ZFYVE26: variants seen among roughly 807,000 people sequenced by gnomAD.
The protein encoded by ZFYVE26 is zinc finger FYVE-type containing 26, also known as zinc finger FYVE domain-containing protein 26.
In ZFYVE26, 181 loss-of-function variants were observed where a neutral mutation model predicts 276.5. The ratio of observed to expected loss-of-function variants is 0.65; its 90% CI spans 0.58 to 0.74. The LOEUF (loss-of-function observed/expected upper bound fraction) is 0.74. Among genes scored for constraint, ZFYVE26 ranks in the 30% least tolerant of loss-of-function variants. ZFYVE26 has a pLI of 0.00. For synonymous variants in ZFYVE26, 1,129 were observed against 1,203.1 expected, an observed-to-expected ratio of 0.94 and a Z score of 1.27; for missense variants, 2,821 against 3,097.9, an observed-to-expected ratio of 0.91 and a Z score of 2.12.
chr14:67,791,107 T>C (rs1011549500), intron 14 of ZFYVE26, among the ~76,000 whole-genome samples: 1 of 152,192 alleles, frequency 6.6e-6, no homozygotes, highest in African/African-American at 2.4e-5. Context: ...TCTATCACAA[T>C]AACAAAGCAC....
chr14:67,775,179 G>C, intron 26 of ZFYVE26, 65 bp from the exon 27 acceptor site: 1 of 1,142,604 alleles, frequency 8.8e-7, no homozygotes, highest in Non-Finnish European at 1.3e-6. Context: ...CACCACCCTA[G>C]GCATTTAGAA....
Position 67,793,778 on chromosome 14 carries a change from G to C in ZFYVE26, c.2402-19C>G. 1 of 1,613,688 alleles carries C rather than the reference G, an allele frequency of 6.2e-7. No individual in the cohort carries two copies. Among genetic ancestry groups the C allele is most frequent in the East Asian group, 2.2e-5 (1 of 44,862 alleles). On this transcript the variant is annotated intron_variant, in intron 13 of 41. Coordinates refer to ENST00000347230, the MANE Select transcript of ZFYVE26 (RefSeq NM_015346.4). ...CTTCCCTCTGTTGGGACACAAGAAT[G>C]TGTGGGGCCAGAGAAGCAAGAGGAA...
At chr14:67,762,626 T>G in intron 33 of ZFYVE26, 46 bp downstream of exon 33, 1 of 1,609,940 alleles carries the variant, frequency 6.2e-7, no homozygotes, top group Non-Finnish European at 8.5e-7. Context: ...AAAAGCAACT[T>G]GCTACAGTGG....
intron 23 of ZFYVE26, among the ~76,000 whole-genome samples, chr14:67,779,692 A>T (rs1446685058): frequency 2.0e-5 from 3 of 152,278 alleles, no homozygotes; most frequent in East Asian, 1.9e-4. Flanking sequence ...AAAGGTGAGG[A>T]CACTCATGAC....
intron 21 of ZFYVE26, among the ~76,000 whole-genome samples, chr14:67,782,144 C>T (rs1255428864): frequency 6.6e-6 from 1 of 152,172 alleles, no homozygotes; most frequent in Non-Finnish European, 1.5e-5. Flanking sequence ...AAAGTCATTC[C>T]CTACATCACA....
intron 32 of ZFYVE26, among the ~76,000 whole-genome samples, chr14:67,763,509 T>C (rs2038986744): frequency 6.6e-6 from 1 of 152,242 alleles, no homozygotes. Flanking sequence ...GCCTACAGTA[T>C]TCAGTACAGT....
At chr14:67,800,893 T>C (rs1246966876) in intron 10 of ZFYVE26, among the ~76,000 whole-genome samples, 3 of 151,308 alleles carry the variant, frequency 2.0e-5, no homozygotes, top group Admixed American at 6.6e-5. Flanking sequence ...ATAATGGCAT[T>C]AGAACACCTT....
chr14:67,772,902 A>G (rs1393992325), intron 27 of ZFYVE26, among the ~76,000 whole-genome samples: 2 of 152,170 alleles, frequency 1.3e-5, no homozygotes, highest in East Asian at 3.9e-4. Flanking sequence ...TCAAGGTTAT[A>G]GTAGCCATGA....
At position 67,762,759 on chromosome 14, in the gene ZFYVE26, T is replaced by C. The variant is rs1289897909; in HGVS notation, c.6072A>G (p.Pro2024=). The part of the protein sequence containing the change: ...ILVAAAYRHV[P]SLDQILQPAA... ...CTGGCTGCAAGATCTGATCCAAAGA[T>C]GGCACGTGGCGATAGGCAGCAGCAA... The change falls in exon 33 of 42, where the codon CCA becomes CCG. Residue 2024 remains proline, a synonymous_variant. Transcript: ENST00000347230. The C allele has an allele frequency of 1.2e-6, 2 of 1,614,236 alleles. No homozygotes were observed. Among genetic ancestry groups the C allele is most frequent in the Non-Finnish European group, 1.7e-6 (2 of 1,180,048 alleles).
At chr14:67,809,580 G>A (rs546666779) in intron 3 of ZFYVE26, among the ~76,000 whole-genome samples, 4 of 150,556 alleles carry the variant, frequency 2.7e-5, no homozygotes, top group Admixed American at 6.6e-5. Context: ...GCACCACCAC[G>A]TCCAGCTAAT....
In ZFYVE26 at chr14:67,785,139, T is replaced by C. The variant is rs777645141; in HGVS notation, c.3443A>G (p.Gln1148Arg). 6.2e-7 allele frequency: 1 copy of C among 1,614,114 alleles called. No individual in the cohort carries two copies. The highest frequency in any genetic ancestry group is 1.3e-5 in the African/African-American group (1 of 74,948). ...GAAGAAGGTGCCCAAGTAGTCCATC[T>C]GCCTGCTGCCTGATGGGGTCTGTTT... is the stretch of plus-strand genomic sequence containing the variant. ...LGKQTPSGSRQMDYLGTFFSY... is the reference protein window; with the variant it reads ...LGKQTPSGSRRMDYLGTFFSY... The change falls in exon 19 of 42, where the codon CAG (glutamine) becomes CGG (arginine). Residue 1148 changes from glutamine to arginine, a missense_variant. Coordinates refer to ENST00000347230, the MANE Select transcript of ZFYVE26 (RefSeq NM_015346.4).
At chr14:67,766,756 T>C (rs1023521108) in intron 31 of ZFYVE26, among the ~76,000 whole-genome samples, 3 of 152,004 alleles carry the variant, frequency 2.0e-5, no homozygotes, top group Non-Finnish European at 4.4e-5. Flanking sequence ...CTGGAGTGCA[T>C]TGGTGCGATC....
chr14:67,794,812 G>A (rs1368314716), intron 12 of ZFYVE26, among the ~76,000 whole-genome samples: 3 of 152,102 alleles, frequency 2.0e-5, no homozygotes, highest in East Asian at 3.8e-4. Flanking sequence ...GTTGGGCAAG[G>A]TGGCATGCAC....
intron 13 of ZFYVE26, among the ~76,000 whole-genome samples, chr14:67,738,572 A>T (rs2038378819): frequency 6.6e-6 from 1 of 151,846 alleles, no homozygotes; most frequent in African/African-American, 2.4e-5. Context: ...CTGTGTAGTA[A>T]GACTTATATT....
rs893742288 is a variant in ZFYVE26, at chr14:67,789,229, C to T, written c.3019+106G>A. Reference sequence around the variant, plus strand: ...TGACAAAATTTCATAATCCATTCACCATCTGCCTCCTCCAATAACTGCTTT... The same window carrying T: ...TGACAAAATTTCATAATCCATTCACTATCTGCCTCCTCCAATAACTGCTTT... On this transcript the variant is annotated intron_variant, in intron 16 of 41. Transcript: ENST00000347230. 5 of 1,492,836 alleles carry T rather than the reference C, an allele frequency of 3.3e-6. No individual in the cohort carries two copies. In the African/African-American group the frequency reaches 6.9e-5, roughly 21 times the overall value. 92.5% of individuals were successfully genotyped at this position (1,492,836 alleles called of 1,614,324 possible). A position where few individuals can be genotyped will look rare whatever the true frequency, so the allele number is the denominator to read the frequency against.
intron 41 of ZFYVE26, chr14:67,750,778 G>C: frequency 1.9e-6 from 1 of 525,528 alleles, no homozygotes; most frequent in Non-Finnish European, 3.5e-6. Context: ...GAAGACATCA[G>C]TATAAAATGG....
chr14:67,745,852 A>G (rs1225842926), downstream of ZFYVE26, among the ~76,000 whole-genome samples: 1 of 135,804 alleles, frequency 7.4e-6, no homozygotes, highest in African/African-American at 2.6e-5. Context: ...ATAGTGAGAT[A>G]CTGTCTCTAC....
intron 39 of ZFYVE26, among the ~76,000 whole-genome samples, chr14:67,753,226 T>A (rs1392260575): frequency 6.6e-6 from 1 of 152,218 alleles, no homozygotes; most frequent in Non-Finnish European, 1.5e-5. Flanking sequence ...CTGAAGAGAC[T>A]CTGCCCCTCA....
chr14:67,762,566 C>T (rs769394516), intron 33 of ZFYVE26, 106 bp downstream of exon 33: 14 of 1,585,044 alleles, frequency 8.8e-6, no homozygotes, highest in Non-Finnish European at 1.2e-5. Flanking sequence ...CGATTCTACC[C>T]CATGGGCAGG....
Sources: allele counts gnomAD v4.1 joint callset (sites outside exome capture counted in the v4.1 genomes callset), GRCh38; gene constraint gnomAD v4.1.1; transcripts MANE v1.5; gene names NCBI Gene and HGNC (gene_info 2026-07-23, HGNC 2026-07-21).